The following CTNND2 variants were observed in gnomAD, a reference collection of about 807,000 sequenced individuals.
CTNND2 encodes the protein catenin delta 2.
Under a neutral mutation model 144.4 loss-of-function variants are expected in CTNND2, and 22 were observed. The observed-to-expected ratio is 0.15, with a 90% CI of 0.11 to 0.22. CTNND2 has a LOEUF of 0.22. Among genes scored for constraint, CTNND2 ranks in the 10% least tolerant of loss-of-function variants. The pLI is 1.00. For missense variants in CTNND2, 1,353 were observed against 1,618.8 expected, an observed-to-expected ratio of 0.84 and a Z score of 2.82; for synonymous variants, 751 against 695.6, an observed-to-expected ratio of 1.08 and a Z score of -1.25.
intron 3 of CTNND2, among the ~76,000 whole-genome samples, chr5:11,545,120 C>CAA (rs112389408): frequency 8.2e-5 from 3 of 36,464 alleles, no homozygotes; most frequent in Non-Finnish European, 1.8e-4. Flanking sequence ...GACTCCGTCT[C>CAA]AAAAAAAAAA....
intron 9 of CTNND2, among the ~76,000 whole-genome samples, chr5:11,298,478 G>A (rs1749245233): frequency 6.6e-6 from 1 of 152,128 alleles, no homozygotes; most frequent in Non-Finnish European, 1.5e-5. Context: ...GCCATCTTTT[G>A]TTTTATAACA....
chr5:11,817,981 GTTTTTTT>G lies in CTNND2; in HGVS notation c.38-85716_38-85710del, dbSNP rs35360011. 3.1e-4 allele frequency among the ~76,000 whole-genome samples: 10 copies of G among 31,880 alleles called. No homozygotes were observed. In the South Asian group the frequency reaches 0.016, roughly 53 times the overall value. The allele number at this position is 31,880 out of a possible 152,430, so 20.9% of individuals were successfully genotyped here. A position where few individuals can be genotyped will look rare whatever the true frequency, so the allele number is the denominator to read the frequency against. On this transcript the variant is annotated intron_variant, in intron 1 of 21. Coordinates refer to ENST00000304623, the MANE Select transcript of CTNND2 (RefSeq NM_001332.4). ...GAAGTGAAGATACGTATTATGAGGT[GTTTTTTT>G]TTTTTTTTTTTTTTTTCAGTTCTCC...
At chr5:11,780,974 T>G (rs1337038238) in intron 1 of CTNND2, among the ~76,000 whole-genome samples, 1 of 152,182 alleles carries the variant, frequency 6.6e-6, no homozygotes, top group Non-Finnish European at 1.5e-5. Flanking sequence ...CCCGATAAAG[T>G]GCTATTTCCT....
intron 15 of CTNND2, among the ~76,000 whole-genome samples, chr5:11,092,384 T>C (rs954000619): frequency 6.6e-6 from 1 of 152,228 alleles, no homozygotes; most frequent in African/African-American, 2.4e-5. Context: ...GTACTAAAAT[T>C]AATGCAAAAC....
chr5:11,684,998 G>A (rs572236858), intron 2 of CTNND2, among the ~76,000 whole-genome samples: 8 of 152,176 alleles, frequency 5.3e-5, no homozygotes, highest in Non-Finnish European at 8.8e-5. Context: ...TTAGGCTGAT[G>A]CTTCACAGCT....
At chr5:11,539,058 G>A (rs895712092) in intron 3 of CTNND2, among the ~76,000 whole-genome samples, 1 of 152,100 alleles carries the variant, frequency 6.6e-6, no homozygotes, top group African/African-American at 2.4e-5. Context: ...GATGCATGGT[G>A]TACACTCACA....
At chr5:11,135,247 CTATA>C (rs1203267473) in intron 12 of CTNND2, among the ~76,000 whole-genome samples, 1 of 152,120 alleles carries the variant, frequency 6.6e-6, no homozygotes, top group African/African-American at 2.4e-5. Context: ...CTGGCACAAA[CTATA>C]TATAATGACT....
At chr5:11,600,807 G>T (rs1779753332) in intron 2 of CTNND2, among the ~76,000 whole-genome samples, 1 of 151,846 alleles carries the variant, frequency 6.6e-6, no homozygotes, top group Non-Finnish European at 1.5e-5. Context: ...AATTAGCTTA[G>T]TAGTAATAAA....
At chr5:11,673,886 A>G (rs1473854073) in intron 2 of CTNND2, among the ~76,000 whole-genome samples, 1 of 152,140 alleles carries the variant, frequency 6.6e-6, no homozygotes, top group Admixed American at 6.5e-5. Flanking sequence ...GAAGTGTCCA[A>G]GTGTTGGCTT....
intron 16 of CTNND2, among the ~76,000 whole-genome samples, chr5:11,065,722 G>C (rs556596959): frequency 6.6e-6 from 1 of 152,008 alleles, no homozygotes; most frequent in African/African-American, 2.4e-5. Context: ...CCTATATATC[G>C]TGATTTACTT....
At chr5:11,758,556 T>C (rs1295029176) in intron 1 of CTNND2, among the ~76,000 whole-genome samples, 1 of 152,016 alleles carries the variant, frequency 6.6e-6, no homozygotes, top group African/African-American at 2.4e-5. Context: ...TAATGTGTTG[T>C]GAAGTCAGTT....
chr5:11,724,293 G>A (rs1333184132), intron 2 of CTNND2, among the ~76,000 whole-genome samples: 3 of 152,030 alleles, frequency 2.0e-5, no homozygotes, highest in African/African-American at 7.2e-5. Flanking sequence ...CGTGTTCTTG[G>A]GGGGCATTCC....
intron 2 of CTNND2, among the ~76,000 whole-genome samples, chr5:11,719,941 G>A (rs992745577): frequency 6.6e-6 from 1 of 151,396 alleles, no homozygotes; most frequent in Non-Finnish European, 1.5e-5. Flanking sequence ...AGTTAGAAAA[G>A]GATAATATAT....
At chr5:11,641,904 G>C (rs1333800477) in intron 2 of CTNND2, among the ~76,000 whole-genome samples, 3 of 151,310 alleles carry the variant, frequency 2.0e-5, no homozygotes, top group Non-Finnish European at 4.4e-5. Flanking sequence ...GATTCTTTAG[G>C]TAATACAAAA....
intron 15 of CTNND2, chr5:11,083,834 C>T (rs1749855421): frequency 1.9e-6 from 2 of 1,058,024 alleles, no homozygotes; most frequent in African/African-American, 3.5e-5. Context: ...AGGCCACCTC[C>T]ACCCCCCTTC....
chr5:11,077,874 G>A (rs1749109116), intron 16 of CTNND2, among the ~76,000 whole-genome samples: 1 of 152,218 alleles, frequency 6.6e-6, no homozygotes, highest in Non-Finnish European at 1.5e-5. Context: ...GAGGTGGATT[G>A]CATACGAGTC....
At position 10,981,795 on chromosome 5, in the gene CTNND2, G is replaced by C. The variant is rs147220528; in HGVS notation, c.3395C>G (p.Ala1132Gly). ...TLYRNSYGAPAEDIKHNQVSA... is the reference protein window; with the variant it reads ...TLYRNSYGAPGEDIKHNQVSA... ...TACCTGGTTGTGTTTGATGTCTTCAGCGGGCGCACCATAAGAATTCCTATA... is the reference window on the plus strand; with the variant it reads ...TACCTGGTTGTGTTTGATGTCTTCACCGGGCGCACCATAAGAATTCCTATA... The change falls in exon 21 of 22, where the codon GCT (alanine) becomes GGT (glycine). Residue 1132 changes from alanine to glycine, a missense_variant. Ala to Gly is a moderately conservative substitution (Grantham distance 60). Around this residue, in one of 4 missense-constraint regions of CTNND2, gnomAD observed 459 missense variants for 674.3 expected, o/e 0.68. Transcript: ENST00000304623. 66 of 1,613,902 alleles carry C rather than the reference G, an allele frequency of 4.1e-5. No homozygotes were observed. The highest frequency in any genetic ancestry group is 3.8e-5 in the Non-Finnish European group (45 of 1,179,972).
chr5:11,732,032 G>A lies in CTNND2; in HGVS notation c.174+104C>T, dbSNP rs4348210. On this transcript the variant is annotated intron_variant, in intron 2 of 21. Coordinates refer to ENST00000304623, the MANE Select transcript of CTNND2 (RefSeq NM_001332.4). The stretch of plus-strand genomic sequence containing the variant: ...AATAAATACCAACACTCTGCTACAT[G>A]AGTATGAGTTTCTTTTAACATAATT... The A allele has an allele frequency of 0.045, 46,652 of 1,038,324 alleles. 2,393 individuals are homozygous for A. The highest frequency in any genetic ancestry group is 0.23 in the African/African-American group (14,664 of 62,610). 64.3% of individuals were successfully genotyped at this position (1,038,324 alleles called of 1,614,324 possible).
chr5:11,203,904 T>A (rs1737773809), intron 10 of CTNND2, among the ~76,000 whole-genome samples: 1 of 152,258 alleles, frequency 6.6e-6, no homozygotes, highest in African/African-American at 2.4e-5. Context: ...TCTGCTACTT[T>A]CCTGGACCTA....
Sources: gnomAD v4.1 joint callset for allele counts (sites outside exome capture counted in the v4.1 genomes callset) on GRCh38, gnomAD v4.1.1 for gene constraint, gnomAD v4.1.1 regional missense constraint, MANE v1.5 for transcripts, NCBI Gene and HGNC (gene_info 2026-07-23, HGNC 2026-07-21) for gene names.